Variants in ADPRHL1 observed in about 807,000 individuals in gnomAD.
The protein encoded by ADPRHL1 is inactive ADP-ribosyltransferase ARH2.
Under a neutral mutation model 44.1 loss-of-function variants are expected in ADPRHL1, and 43 were observed. The observed-to-expected ratio is 0.98, with a 90% confidence interval of 0.76 to 1.26. ADPRHL1 has a LOEUF of 1.26. Among genes scored for constraint, ADPRHL1 ranks in the 50% most tolerant of loss-of-function variants. ADPRHL1 has a pLI of 0.00. For synonymous variants in ADPRHL1, 878 were observed against 1,017.4 expected, an observed-to-expected ratio of 0.86 and a Z score of 2.61; for missense variants, 2,022 against 2,496.9, an observed-to-expected ratio of 0.81 and a Z score of 4.05.
Position 113,439,116 on chromosome 13 carries a change from CT to C in ADPRHL1, c.380-5250del, listed in dbSNP as rs370538123. ...CCATCAGGGACTGAAATTCTCTTTC[CT>C]TTTTTTTTTCTTTTTTTGAGACGGA... On this transcript the variant is annotated intron_variant, in intron 2 of 7. Transcript: ENST00000612156. 8.7e-4 allele frequency among the ~76,000 whole-genome samples: 130 copies of C among 149,258 alleles called. 1 individual carries two copies. The highest frequency in any genetic ancestry group is 2.8e-3 in the African/African-American group (116 of 40,768).
chr13:113,400,208 C>T lies in ADPRHL1; in HGVS notation c.*3170G>A, dbSNP rs1043374426. The T allele has an allele frequency of 1.2e-4, 18 of 146,066 alleles. No homozygotes were observed. Among genetic ancestry groups the T allele is most frequent in the African/African-American group, 1.8e-4 (7 of 39,304 alleles). The allele number at this position is 146,066 out of a possible 1,614,324, so 9.0% of individuals were successfully genotyped here. A position where few individuals can be genotyped will look rare whatever the true frequency, so the allele number is the denominator to read the frequency against. On this transcript the variant is annotated 3_prime_UTR_variant, in exon 8 of 8. Coordinates refer to ENST00000612156, the MANE Select transcript of ADPRHL1 (RefSeq NM_001394807.1). ...TCACCCAGGCTGGAGTGCAGTGGCGCAATCTCGGCTCACTGCAAGCTCCAC... is the reference window on the plus strand; with the variant it reads ...TCACCCAGGCTGGAGTGCAGTGGCGTAATCTCGGCTCACTGCAAGCTCCAC...
At chr13:113,433,121 C>T (rs2044018940) in intron 3 of ADPRHL1, among the ~76,000 whole-genome samples, 1 of 152,216 alleles carries the variant, frequency 6.6e-6, no homozygotes, top group African/African-American at 2.4e-5. Context: ...CACCCTCACA[C>T]AGCCCGATTT....
At chr13:113,434,646 A>G (rs867017587) in intron 2 of ADPRHL1, among the ~76,000 whole-genome samples, 74 of 109,038 alleles carry the variant, frequency 6.8e-4, no homozygotes, top group African/African-American at 2.4e-3. Context: ...CAGCACCCAC[A>G]TGTAGAGTGA....
At chr13:113,446,983 ACGG>A (rs2044144110) in intron 1 of ADPRHL1, among the ~76,000 whole-genome samples, 2 of 145,866 alleles carry the variant, frequency 1.4e-5, no homozygotes, top group African/African-American at 5.2e-5. Flanking sequence ...GTCTACATGC[ACGG>A]TGTTGTGTGT....
rs377655855 is a variant in ADPRHL1, at chr13:113,410,221, C to T, written c.1062-2001G>A. ...ACCTTCCCGAGACGCCTCCCTCGCCCGGTTCAGTGAGTTCACGTGGAGAGA... is the reference window on the plus strand; with the variant it reads ...ACCTTCCCGAGACGCCTCCCTCGCCTGGTTCAGTGAGTTCACGTGGAGAGA... On this transcript the variant is annotated intron_variant, in intron 7 of 7. Coordinates refer to ENST00000612156, the MANE Select transcript of ADPRHL1 (RefSeq NM_001394807.1). 26 of 758,304 alleles carry T rather than the reference C, an allele frequency of 3.4e-5. No homozygotes were observed. The East Asian group carries it at 2.3e-3, about 67-fold the overall frequency. 47.0% of individuals were successfully genotyped at this position (758,304 alleles called of 1,614,324 possible). A position where few individuals can be genotyped will look rare whatever the true frequency, so the allele number is the denominator to read the frequency against.
Position 113,407,657 on chromosome 13 carries a change from A to G in ADPRHL1, c.1625T>C (p.Met542Thr), listed in dbSNP as rs557664138. 3.2e-6 allele frequency: 4 copies of G among 1,232,054 alleles called. No individual in the cohort carries two copies. In the Admixed American group the frequency reaches 1.3e-4, roughly 39 times the overall value. 76.3% of individuals were successfully genotyped at this position (1,232,054 alleles called of 1,614,324 possible). Residue 542 changes from methionine to threonine, a missense_variant, in exon 8 of 8, where the codon ATG (methionine) becomes ACG (threonine). Around this residue, in one of 8 missense-constraint regions of ADPRHL1, gnomAD observed 1,221 missense variants for 1,517.8 expected, o/e 0.80. Transcript: ENST00000612156. Reference sequence around the variant, plus strand: ...CTTGGACAGCACCGAGCTCTTGCCCATGATCTTCGGCAAGAGGCCCCTGGC... The same window carrying G: ...CTTGGACAGCACCGAGCTCTTGCCCGTGATCTTCGGCAAGAGGCCCCTGGC... Reference protein sequence around the residue: ...KAARGLLPKIMGKSSVLSKLR... With the variant: ...KAARGLLPKITGKSSVLSKLR...
chr13:113,448,078 C>A (rs149585878), intron 1 of ADPRHL1, among the ~76,000 whole-genome samples: 11 of 152,146 alleles, frequency 7.2e-5, no homozygotes, highest in African/African-American at 1.9e-4. Context: ...AGAATTTAAG[C>A]GAGAAACAGA....
chr13:113,447,484 T>G (rs552829866), intron 1 of ADPRHL1, among the ~76,000 whole-genome samples: 1 of 151,728 alleles, frequency 6.6e-6, no homozygotes, highest in South Asian at 2.1e-4. Context: ...CGGTGTTGTG[T>G]GTGCATGGTG....
intron 1 of ADPRHL1, among the ~76,000 whole-genome samples, chr13:113,446,448 A>T (rs555244185): frequency 6.6e-6 from 1 of 152,212 alleles, no homozygotes; most frequent in South Asian, 2.1e-4. Context: ...CTCTGAAGAG[A>T]GGGGCAGTCC....
At chr13:113,412,461 A>C (rs1010450245) in intron 7 of ADPRHL1, among the ~76,000 whole-genome samples, 2 of 152,240 alleles carry the variant, frequency 1.3e-5, no homozygotes, top group Non-Finnish European at 2.9e-5. Flanking sequence ...GACAGGCGTG[A>C]GCCACCGCGC....
intron 1 of ADPRHL1, among the ~76,000 whole-genome samples, chr13:113,451,109 A>T (rs1457973737): frequency 6.6e-6 from 1 of 152,236 alleles, no homozygotes; most frequent in East Asian, 1.9e-4. Context: ...CGGGCATAAC[A>T]GAAGGCTCGC....
Position 113,441,554 on chromosome 13 carries a change from T to C in ADPRHL1, c.379+2871A>G, listed in dbSNP as rs984846678. Among the ~76,000 whole-genome samples, 1 of 152,208 alleles carries C rather than the reference T, an allele frequency of 6.6e-6. No individual in the cohort carries two copies. Among genetic ancestry groups the C allele is most frequent in the Admixed American group, 6.5e-5 (1 of 15,278 alleles). ...TCTCCCCTGCTAGCCTTCGTGCTAT[T>C]GTTGTTGTACATTCTACTTATATTT... On this transcript the variant is annotated intron_variant, in intron 2 of 7. Transcript: ENST00000612156. The surrounding 1 kb of genome is among the most constrained non-coding windows in gnomAD (Gnocchi z 6.0).
At chr13:113,420,120 C>T (rs1566470380) in intron 7 of ADPRHL1, among the ~76,000 whole-genome samples, 1 of 152,214 alleles carries the variant, frequency 6.6e-6, no homozygotes, top group Non-Finnish European at 1.5e-5. Flanking sequence ...GCTGTGCACA[C>T]GTCATTTTTA....
At chr13:113,432,351 G>A (rs139099749) in intron 3 of ADPRHL1, among the ~76,000 whole-genome samples, 1 of 152,294 alleles carries the variant, frequency 6.6e-6, no homozygotes, top group African/African-American at 2.4e-5. Flanking sequence ...CTGGGCTCAA[G>A]TGATCCTCCT....
rs2043798642 is a variant in ADPRHL1, at chr13:113,405,218, G to A, written c.4064C>T (p.Ala1355Val). ...TAGDTQAKLR[A>V]SVPEPRTQAG... The stretch of plus-strand genomic sequence containing the variant: ...CTGCGTCCTAGGCTCGGGGACACTG[G>A]CCCGGAGCTTTGCCTGTGTGTCACC... The change falls in exon 8 of 8, where the codon GCC becomes GTC. Residue 1355 changes from alanine (A) to valine (V), a missense_variant. Around this residue, in one of 8 missense-constraint regions of ADPRHL1, gnomAD observed 1,221 missense variants for 1,517.8 expected, o/e 0.80. Coordinates refer to ENST00000612156, the MANE Select transcript of ADPRHL1 (RefSeq NM_001394807.1). The A allele has an allele frequency of 1.6e-6, 2 of 1,231,894 alleles. No individual in the cohort carries two copies. The highest frequency in any genetic ancestry group is 2.0e-6 in the Non-Finnish European group (2 of 988,072). The allele number at this position is 1,231,894 out of a possible 1,614,324, so 76.3% of individuals were successfully genotyped here. A position where few individuals can be genotyped will look rare whatever the true frequency, so the allele number is the denominator to read the frequency against.
chr13:113,444,865 T>C lies in ADPRHL1; in HGVS notation c.215-276A>G, dbSNP rs9604112. On this transcript the variant is annotated intron_variant, in intron 1 of 7. Coordinates refer to ENST00000612156, the MANE Select transcript of ADPRHL1 (RefSeq NM_001394807.1). ...GTCTCGATCTCCTGACCTTGTGATC[T>C]GCCCACCTCAGCCTCCCAAAGTGCT... Among the ~76,000 whole-genome samples the C allele has an allele frequency of 6.0e-3, 912 of 152,066 alleles. 10 individuals are homozygous for C. Among genetic ancestry groups the C allele is most frequent in the African/African-American group, 0.02 (817 of 41,360 alleles).
rs138731953 is a variant in ADPRHL1, at chr13:113,420,002, T to C, written c.1061+2824A>G. Among the ~76,000 whole-genome samples the C allele has an allele frequency of 4.9e-3, 750 of 151,612 alleles. 5 individuals carry two copies. Among genetic ancestry groups the C allele is most frequent in the South Asian group, 0.022 (103 of 4,754 alleles). On this transcript the variant is annotated intron_variant, in intron 7 of 7. Coordinates refer to ENST00000612156, the MANE Select transcript of ADPRHL1 (RefSeq NM_001394807.1). The stretch of plus-strand genomic sequence containing the variant: ...ACACAGGCACACAGCTCGGGGGGTG[T>C]GTGAGGAGGCTCCTGGAAGGAGGCT...
rs2044099914 is a variant in ADPRHL1, at chr13:113,441,723, T to C, written c.379+2702A>G. On this transcript the variant is annotated intron_variant, in intron 2 of 7. Transcript: ENST00000612156. This position sits in a 1 kb window ranked among gnomAD's most constrained non-coding sequence, Gnocchi z 6.0. ...CCCGCTGCGTGGGTCCATGTCTCTA[T>C]CATGCCATGTCCCGCCACTTGGGTC... Among the ~76,000 whole-genome samples, 1 of 152,218 alleles carries C rather than the reference T, an allele frequency of 6.6e-6. No homozygotes were observed. The highest frequency in any genetic ancestry group is 2.4e-5 in the African/African-American group (1 of 41,464).
At chr13:113,425,711 C>G (rs1042644696) in intron 4 of ADPRHL1, among the ~76,000 whole-genome samples, 2 of 141,502 alleles carry the variant, frequency 1.4e-5, no homozygotes, top group African/African-American at 5.3e-5. Flanking sequence ...GACGGAGTCT[C>G]TCTCTGTTGC....
Sources: gnomAD v4.1 joint callset for allele counts (sites outside exome capture counted in the v4.1 genomes callset) on GRCh38, gnomAD v4.1.1 for gene constraint, gnomAD v4.1.1 regional missense constraint, Gnocchi (gnomAD v3.1) non-coding constraint, MANE v1.5 for transcripts, NCBI Gene and HGNC (gene_info 2026-07-23, HGNC 2026-07-21) for gene names.